Variants in ZBTB7C observed in about 807,000 individuals in gnomAD.
ZBTB7C encodes zinc finger and BTB domain-containing protein 7C.
ZBTB7C carries 8 observed loss-of-function variants against 25.7 expected under a neutral mutation model. The ratio of observed to expected loss-of-function variants is 0.31; its 90% CI spans 0.18 to 0.56. The LOEUF is 0.56. ZBTB7C is among the 20% of genes least tolerant of loss of function. The pLI is 0.91. For synonymous variants in ZBTB7C, 394 were observed against 369.0 expected (o/e 1.07, Z -0.78); for missense variants, 824 against 855.2 (o/e 0.96, Z 0.46).
intron 1 of ZBTB7C, among the ~76,000 whole-genome samples, chr18:48,342,557 G>A (rs16949106): frequency 6.6e-6 from 1 of 152,080 alleles, no homozygotes; most frequent in Admixed American, 6.5e-5. Flanking sequence ...CCTAGAGAGT[G>A]TAATCAATTC....
At chr18:48,042,077 C>A (rs1394602643) in intron 3 of ZBTB7C, among the ~76,000 whole-genome samples, 1 of 152,198 alleles carries the variant, frequency 6.6e-6, no homozygotes, top group Admixed American at 6.5e-5. Flanking sequence ...GCTCACAGCC[C>A]AGGTGAACAC....
chr18:48,278,272 T>C (rs896098336), intron 2 of ZBTB7C, among the ~76,000 whole-genome samples: 3 of 152,102 alleles, frequency 2.0e-5, no homozygotes, highest in African/African-American at 7.2e-5. Flanking sequence ...TGAGGGGCCA[T>C]GCAGAGAGGA....
rs138563936 is a variant in ZBTB7C at position 48,078,982 on chromosome 18, T to C, written c.-16-37859A>G. On this transcript the variant is annotated intron_variant, in intron 3 of 4. Transcript: ENST00000590800. Reference sequence around the variant, plus strand: ...CATTGATAGACATTCGGTTTAGTTTTGACTATTGTGAATAGCGCTGCTGTG... The same window carrying C: ...CATTGATAGACATTCGGTTTAGTTTCGACTATTGTGAATAGCGCTGCTGTG... Among the ~76,000 whole-genome samples, 355 of 152,360 alleles carry C rather than the reference T, an allele frequency of 2.3e-3. 2 individuals carry two copies. The highest frequency in any genetic ancestry group is 8.2e-3 in the African/African-American group (339 of 41,586).
chr18:48,250,733 C>A (rs1199939972), intron 2 of ZBTB7C, among the ~76,000 whole-genome samples: 2 of 151,606 alleles, frequency 1.3e-5, no homozygotes, highest in Non-Finnish European at 2.9e-5. Context: ...AGATACCCAC[C>A]CACTCAGCTG....
chr18:48,377,490 G>A (rs541690691), intron 1 of ZBTB7C, among the ~76,000 whole-genome samples: 1 of 152,330 alleles, frequency 6.6e-6, no homozygotes, highest in East Asian at 1.9e-4. Flanking sequence ...AACATGTCTG[G>A]ACAGAGGTAA....
chr18:48,268,962 T>TC (rs1008065895), intron 2 of ZBTB7C, among the ~76,000 whole-genome samples: 5 of 143,022 alleles, frequency 3.5e-5, no homozygotes, highest in East Asian at 2.0e-4. Context: ...CTGTTTCTTT[T>TC]TTTTTTTTTT....
chr18:48,167,464 C>T (rs1003703271), intron 3 of ZBTB7C, among the ~76,000 whole-genome samples: 3 of 152,154 alleles, frequency 2.0e-5, no homozygotes, highest in African/African-American at 4.8e-5. Context: ...GCCTGTGGCA[C>T]TAAGGTATGG....
At chr18:48,123,232 TCCTC>T (rs1276154479) in intron 3 of ZBTB7C, among the ~76,000 whole-genome samples, 1 of 152,118 alleles carries the variant, frequency 6.6e-6, no homozygotes, top group Non-Finnish European at 1.5e-5. Context: ...AGGATATACT[TCCTC>T]CCTCTAGGAA....
rs577129587 is a variant in ZBTB7C at position 48,214,302 on chromosome 18, C to T, written c.-78-28307G>A. Among the ~76,000 whole-genome samples the T allele has an allele frequency of 1.6e-4, 25 of 152,276 alleles. No individual in the cohort carries two copies. The South Asian group carries it at 5.0e-3, about 30-fold the overall frequency. ...AATAAACATAAATTCCCCATTCTTCCCTCCTCCCAGCCATGGGCAACCACC... is the reference window on the plus strand; with the variant it reads ...AATAAACATAAATTCCCCATTCTTCTCTCCTCCCAGCCATGGGCAACCACC... On this transcript the variant is annotated intron_variant, in intron 2 of 4. Transcript: ENST00000590800.
rs2036197138 is a variant in ZBTB7C at position 48,040,676 on chromosome 18, GTCGTCA to G, written c.426_431del (p.Asp144_Asp145del). The G allele has an allele frequency of 1.2e-6, 2 of 1,613,040 alleles. No individual in the cohort carries two copies. Among genetic ancestry groups the G allele is most frequent in the Non-Finnish European group, 1.7e-6 (2 of 1,179,682 alleles). ...CCTCCTCATCATCATCATCTTCGTC[GTCGTCA>G]TCGTCCTCCTTGTCATCCTCCTCCC... On this transcript the variant is annotated inframe_deletion, in exon 4 of 5. Coordinates refer to ENST00000590800, the MANE Select transcript of ZBTB7C (RefSeq NM_001318841.2).
At chr18:48,263,599 ACAG>A (rs1264565981) in intron 2 of ZBTB7C, among the ~76,000 whole-genome samples, 3 of 151,684 alleles carry the variant, frequency 2.0e-5, no homozygotes, top group Non-Finnish European at 4.4e-5. Flanking sequence ...ACAACCTTCC[ACAG>A]CAGTCCTGAG....
At chr18:48,163,470 TG>T (rs1356408459) in intron 3 of ZBTB7C, among the ~76,000 whole-genome samples, 1 of 152,214 alleles carries the variant, frequency 6.6e-6, no homozygotes, top group African/African-American at 2.4e-5. Context: ...ATGAACTGGC[TG>T]GGAGCCCTCT....
intron 3 of ZBTB7C, among the ~76,000 whole-genome samples, chr18:48,076,194 G>A (rs973887407): frequency 6.6e-6 from 1 of 151,908 alleles, no homozygotes; most frequent in Non-Finnish European, 1.5e-5. Flanking sequence ...CTAGTGGCTT[G>A]TGAGGCACTT....
intron 3 of ZBTB7C, among the ~76,000 whole-genome samples, chr18:48,060,438 G>C (rs1472637994): frequency 6.6e-6 from 1 of 152,038 alleles, no homozygotes; most frequent in Non-Finnish European, 1.5e-5. Context: ...CTGACTCAGT[G>C]AATCAGCTTT....
At chr18:48,057,914 G>C (rs1439903018) in intron 3 of ZBTB7C, among the ~76,000 whole-genome samples, 1 of 152,214 alleles carries the variant, frequency 6.6e-6, no homozygotes, top group Non-Finnish European at 1.5e-5. Context: ...GGTGGCCCAT[G>C]TTCTGCCCAG....
At chr18:48,101,841 G>A (rs1055257485) in intron 3 of ZBTB7C, among the ~76,000 whole-genome samples, 7 of 152,056 alleles carry the variant, frequency 4.6e-5, no homozygotes, top group African/African-American at 1.4e-4. Context: ...GTAAATGTGC[G>A]GACAAGACTC....
At chr18:48,288,493 CAA>C (rs35867063) in intron 2 of ZBTB7C, among the ~76,000 whole-genome samples, 36 of 86,392 alleles carry the variant, frequency 4.2e-4, no homozygotes, top group South Asian at 7.8e-4. Context: ...ACTAAAAGTA[CAA>C]AAAAAAAAAA....
intron 3 of ZBTB7C, among the ~76,000 whole-genome samples, chr18:48,130,040 A>G (rs1209317657): frequency 6.6e-6 from 1 of 152,154 alleles, no homozygotes; most frequent in African/African-American, 2.4e-5. Flanking sequence ...GAGCCCCAGT[A>G]GGGGAGGGTA....
At chr18:48,327,615 A>C (rs1893834) in intron 2 of ZBTB7C, among the ~76,000 whole-genome samples, 51,082 of 151,984 alleles carry the variant, frequency 0.34, 9,446 homozygotes, top group East Asian at 0.74. Flanking sequence ...ATGCCCCACA[A>C]CCTGGCATTG....
Sources: gnomAD v4.1 joint callset for allele counts (sites outside exome capture counted in the v4.1 genomes callset) on GRCh38, gnomAD v4.1.1 for gene constraint, MANE v1.5 for transcripts, NCBI Gene and HGNC (gene_info 2026-07-23, HGNC 2026-07-21) for gene names.